Variants in TTN observed in about 807,000 individuals in gnomAD.
TTN encodes titin.
A neutral mutation model predicts 3,223.0 loss-of-function variants in TTN; 1,525 were observed. The observed-to-expected ratio is 0.47, with a 90% CI of 0.45 to 0.49. The LOEUF (loss-of-function observed/expected upper bound fraction) is 0.49, where lower values mean the gene tolerates loss of function less well. Among genes scored for constraint, TTN ranks in the 20% least tolerant of loss-of-function variants. The pLI is 0.00. For synonymous variants in TTN, 14,094 were observed against 15,161.0 expected (o/e 0.93, Z 5.17); for missense variants, 40,786 against 43,424.0 (o/e 0.94, Z 5.40).
intron 222 of TTN, 58 bp downstream of exon 222, chr2:178,639,990 G>C: frequency 6.3e-7 from 1 of 1,579,066 alleles, no homozygotes; most frequent in Non-Finnish European, 8.7e-7. Flanking sequence ...TTAAGTACAT[G>C]TTATGTGTGT....
rs1478001210 is a variant in TTN at position 178,716,598 on chromosome 2, C to G, written c.25639+497G>C. Among the ~76,000 whole-genome samples the G allele has an allele frequency of 3.9e-5, 6 of 152,132 alleles. No individual in the cohort carries two copies. In the East Asian group the frequency reaches 1.2e-3, roughly 29 times the overall value. ...AATAGCAGATACTGATCTACTTACT[C>G]CCCAGCCCCTGACCTCCACTATTAT... On this transcript the variant is annotated intron_variant, in intron 88 of 362. Transcript: ENST00000589042.
Position 178,775,180 on chromosome 2 carries a change from T to C in TTN, c.6531A>G (p.Thr2177=), listed in dbSNP as rs2092070732. The part of the protein sequence containing the change: ...LVQAKQLITF[T]QELQDVVAKE... ...TAGCAACAACATCTTGTAATTCCTGTGTGAAAGTGATCAATTGCTTGGCTA... is the reference window on the plus strand; with the variant it reads ...TAGCAACAACATCTTGTAATTCCTGCGTGAAAGTGATCAATTGCTTGGCTA... The change falls in exon 29 of 363, where the codon ACA becomes ACG. Residue 2177 remains threonine (T), a synonymous_variant. Transcript: ENST00000589042. 1 of 1,613,940 alleles carries C rather than the reference T, an allele frequency of 6.2e-7. No individual in the cohort carries two copies. Among genetic ancestry groups the C allele is most frequent in the Non-Finnish European group, 8.5e-7 (1 of 1,179,956 alleles).
chr2:178,683,967 G>C (rs373263978), intron 133 of TTN, 32 bp downstream of exon 133: 6 of 1,227,024 alleles, frequency 4.9e-6, no homozygotes, highest in African/African-American at 3.2e-5. Flanking sequence ...TGCTTATTTT[G>C]ATTTTTTTTT....
intron 126 of TTN, 68 bp from the exon 127 acceptor site, chr2:178,688,292 C>T: frequency 1.5e-6 from 2 of 1,355,296 alleles, no homozygotes; most frequent in Non-Finnish European, 2.1e-6. Flanking sequence ...GCCATGTGGT[C>T]ACTACAGATG....
rs200513274 is a variant in TTN, at chr2:178,554,627, G to C, written c.88720C>G (p.Arg29574Gly). The stretch of plus-strand genomic sequence containing the variant: ...GACCACACAACGCGGCTTGTCTCAC[G>C]CTTTTCCACAATGTAGTGAGTGATT... ...AKITHYIVEK[R>G]ETSRVVWSMV... is the part of the protein sequence containing the mutation. The change falls in exon 332 of 363, where the codon CGT becomes GGT. Residue 29574 changes from arginine (R) to glycine (G), a missense_variant. Coordinates refer to ENST00000589042, the MANE Select transcript of TTN (RefSeq NM_001267550.2). 1.9e-6 allele frequency: 3 copies of C among 1,613,840 alleles called. No homozygotes were observed. Among genetic ancestry groups the C allele is most frequent in the South Asian group, 1.1e-5 (1 of 91,074 alleles).
intron 216 of TTN, 137 bp downstream of exon 216, chr2:178,646,348 G>A (rs1014833417): frequency 1.9e-6 from 1 of 520,764 alleles, no homozygotes; most frequent in Non-Finnish European, 3.2e-6. Flanking sequence ...ACCTAAGAAT[G>A]AGGCTCACAT....
At chr2:178,720,773 G>T in intron 79 of TTN, 110 bp from the exon 80 acceptor site, 2 of 1,362,002 alleles carry the variant, frequency 1.5e-6, no homozygotes, top group Non-Finnish European at 9.7e-7. Flanking sequence ...GACAATACAT[G>T]CTGACACAAG....
At chr2:178,726,316 C>G (rs1266847353) in intron 69 of TTN, 1 of 297,374 alleles carries the variant, frequency 3.4e-6, no homozygotes, top group East Asian at 5.4e-5. Context: ...GTATCTTAGG[C>G]TACAAAGATT....
Position 178,569,203 on chromosome 2 carries a change from G to T in TTN, c.76929C>A (p.Ala25643=). 1.9e-6 allele frequency: 3 copies of T among 1,609,062 alleles called. No individual in the cohort carries two copies. Among genetic ancestry groups the T allele is most frequent in the Non-Finnish European group, 2.5e-6 (3 of 1,177,600 alleles). The change falls in exon 326 of 363, where the codon GCC becomes GCA. Residue 25643 remains alanine, a synonymous_variant. Transcript: ENST00000589042. ...IKNYIVEKRE[A]TRKSYAAVVT... ...CAACAGCAGCATATGATTTTCTTGT[G>T]GCTTCACGTTTCTCAACAATGTAAT...
In TTN at chr2:178,722,681, A is replaced by G. The variant is rs773300102; in HGVS notation, c.22218T>C (p.Ser7406=). 6.2e-7 allele frequency: 1 copy of G among 1,612,518 alleles called. No individual in the cohort carries two copies. The highest frequency in any genetic ancestry group is 8.5e-7 in the Non-Finnish European group (1 of 1,179,112). ...CACCTTGAATTCTGAACACAGTCTTAGAAGAAGCAGTTCCTATACTATTTT... is the reference window on the plus strand; with the variant it reads ...CACCTTGAATTCTGAACACAGTCTTGGAAGAAGCAGTTCCTATACTATTTT... The part of the protein sequence containing the change: ...KAENSIGTAS[S]KTVFRIQERQ... The change falls in exon 76 of 363, where the codon TCT becomes TCC. Residue 7406 remains serine, a synonymous_variant. Coordinates refer to ENST00000589042, the MANE Select transcript of TTN (RefSeq NM_001267550.2).
intron 47 of TTN, chr2:178,749,193 C>T: frequency 6.2e-7 from 1 of 1,611,060 alleles, no homozygotes; most frequent in Non-Finnish European, 8.5e-7. Flanking sequence ...TCTGATCTAC[C>T]AAGTTTTCCA....
intron 330 of TTN, 41 bp from the exon 331 acceptor site, chr2:178,555,193 G>T (rs901372813): frequency 1.3e-6 from 2 of 1,563,446 alleles, no homozygotes; most frequent in Non-Finnish European, 1.7e-6. Context: ...AATATTATAA[G>T]GATGGAAAAA....
At chr2:178,771,098 C>A (rs1169694103) in intron 34 of TTN, 113 bp downstream of exon 34, 1 of 1,519,334 alleles carries the variant, frequency 6.6e-7, no homozygotes, top group Non-Finnish European at 9.0e-7. Context: ...TCTAGAATGA[C>A]TTTATGAAAT....
Position 178,551,007 on chromosome 2 carries a change from G to C in TTN, c.91524C>G (p.Pro30508=), listed in dbSNP as rs762592354. ...ARNAVGTISP[P]SQSSGIIMTR... is the part of the protein sequence containing the mutation. ...TCATAATAATGCCAGAAGACTGTGA[G>C]GGCGGGCTTATAGTTCCAACAGCAT... is the stretch of plus-strand genomic sequence containing the variant. The change falls in exon 336 of 363, where the codon CCC becomes CCG. Residue 30508 remains proline (P), a synonymous_variant. Coordinates refer to ENST00000589042, the MANE Select transcript of TTN (RefSeq NM_001267550.2). 36 of 1,613,180 alleles carry C rather than the reference G, an allele frequency of 2.2e-5. No individual in the cohort carries two copies. The highest frequency in any genetic ancestry group is 3.1e-5 in the Non-Finnish European group (36 of 1,179,596).
At chr2:178,685,167 T>C in intron 129 of TTN, 86 bp downstream of exon 129, 1 of 1,271,794 alleles carries the variant, frequency 7.9e-7, no homozygotes, top group Non-Finnish European at 1.1e-6. Flanking sequence ...TGCAAATTGT[T>C]ATGCATAAGA....
chr2:178,688,831 C>G, intron 125 of TTN, 53 bp from the exon 126 acceptor site: 1 of 1,443,152 alleles, frequency 6.9e-7, no homozygotes, highest in Non-Finnish European at 9.7e-7. Context: ...TAACAATTCT[C>G]ACTTTCTAGA....
In TTN at chr2:178,664,054, C is replaced by A; in HGVS notation, c.36325G>T (p.Val12109Leu). 6.2e-7 allele frequency: 1 copy of A among 1,613,192 alleles called. No individual in the cohort carries two copies. The highest frequency in any genetic ancestry group is 8.5e-7 in the Non-Finnish European group (1 of 1,179,750). Reference protein sequence around the residue: ...KEIIPEKKVSVVPPKKPEVPP... With the variant: ...KEIIPEKKVSLVPPKKPEVPP... ...ACTTCAGGCTTTTTAGGAGGCACCA[C>A]CGACACTTTCTTTTCAGGGATAATC... is the stretch of plus-strand genomic sequence containing the variant. The change falls in exon 169 of 363, where the codon GTG becomes TTG. Residue 12109 changes from valine to leucine, a missense_variant. Physicochemically the swap from Val to Leu is conservative, Grantham distance 32. Coordinates refer to ENST00000589042, the MANE Select transcript of TTN (RefSeq NM_001267550.2).
Position 178,532,119 on chromosome 2 carries a change from A to G in TTN, c.104496T>C (p.Ser34832=). 1 of 1,613,986 alleles carries G rather than the reference A, an allele frequency of 6.2e-7. No individual in the cohort carries two copies. The highest frequency in any genetic ancestry group is 1.1e-5 in the South Asian group (1 of 91,088). ...GCCGTCGTCTCAGTAGTCTAGACGC[A>G]GATGAGGATGATTCTCTTTGAGCAT... ...SKHAQRESSS[S]ASRLLRRRRS... is the part of the protein sequence containing the mutation. The change falls in exon 358 of 363, where the codon TCT becomes TCC. Residue 34832 remains serine (S), a synonymous_variant. Coordinates refer to ENST00000589042, the MANE Select transcript of TTN (RefSeq NM_001267550.2).
chr2:178,574,103 G>T lies in TTN; in HGVS notation c.72029C>A (p.Pro24010Gln). 6.2e-7 allele frequency: 1 copy of T among 1,613,508 alleles called. No homozygotes were observed. Residue 24010 changes from proline to glutamine, a missense_variant, in exon 326 of 363, where the codon CCA becomes CAA. Physicochemically the swap from Pro to Gln is moderately conservative, Grantham distance 76. Coordinates refer to ENST00000589042, the MANE Select transcript of TTN (RefSeq NM_001267550.2). ...IAKNAAGAIS[P>Q]PSEPSDAITC... ...GATAGCATCAGATGGCTCAGATGGTGGACTGATGGCACCTGCAGCATTTTT... is the reference window on the plus strand; with the variant it reads ...GATAGCATCAGATGGCTCAGATGGTTGACTGATGGCACCTGCAGCATTTTT...
Sources: gnomAD v4.1 joint callset for allele counts (sites outside exome capture counted in the v4.1 genomes callset) on GRCh38, gnomAD v4.1.1 for gene constraint, MANE v1.5 for transcripts, NCBI Gene and HGNC (gene_info 2026-07-23, HGNC 2026-07-21) for gene names.